Variants in PCNX1 observed in about 807,000 individuals in gnomAD.
The protein encoded by PCNX1 is pecanex 1, also known as pecanex-like protein 1.
PCNX1 carries 78 observed loss-of-function variants against 242.2 expected under a neutral mutation model. The ratio of observed to expected loss-of-function variants is 0.32; its 90% CI spans 0.27 to 0.39. The LOEUF (loss-of-function observed/expected upper bound fraction) is 0.39, where lower values mean the gene tolerates loss of function less well. Ranked by LOEUF, PCNX1 falls within the 10% of genes least tolerant of loss-of-function variation. The probability of loss-of-function intolerance (pLI) is 1.00; values close to 1 mark genes in which losing one functional copy is unlikely to be tolerated. For synonymous variants in PCNX1, 1,024 were observed against 1,032.9 expected (o/e 0.99, Z 0.17); for missense variants, 2,581 against 2,856.5 (o/e 0.90, Z 2.20).
intron 5 of PCNX1, among the ~76,000 whole-genome samples, chr14:70,976,380 T>C (rs1215311504): frequency 6.7e-6 from 1 of 149,422 alleles, no homozygotes; most frequent in East Asian, 1.9e-4. Context: ...TTCTTTTTTT[T>C]TTTTTTTTTT....
chr14:71,096,009 C>G (rs945668712), intron 30 of PCNX1, among the ~76,000 whole-genome samples: 10 of 151,888 alleles, frequency 6.6e-5, no homozygotes, highest in African/African-American at 2.2e-4. Context: ...GACCCTGTCT[C>G]TACAAAAAAT....
chr14:70,988,575 G>A lies in PCNX1; in HGVS notation c.2320G>A (p.Ala774Thr), dbSNP rs771064253. ...EQDAVSGAAQ[A>T]SEEAVSFRRE... ...AGTCTGTCTTGATGCAGCAGCACAA[G>A]CCAGCGAGGAGGCAGTGTCATTTCG... is the stretch of plus-strand genomic sequence containing the variant. Residue 774 changes from alanine (A) to threonine (T), a missense_variant, in exon 7 of 36, where the codon GCC becomes ACC. This residue lies in a region of PCNX1 where 1,204 missense variants were observed against 1,216.7 expected (regional missense o/e 0.99). Coordinates refer to ENST00000304743, the MANE Select transcript of PCNX1 (RefSeq NM_014982.3). 6.2e-7 allele frequency: 1 copy of A among 1,613,994 alleles called. No individual in the cohort carries two copies. The highest frequency in any genetic ancestry group is 1.1e-5 in the South Asian group (1 of 91,084).
chr14:70,976,820 G>A (rs1595112984), intron 5 of PCNX1, 122 bp from the exon 6 acceptor site: 1 of 816,176 alleles, frequency 1.2e-6, no homozygotes, highest in Non-Finnish European at 1.9e-6. Flanking sequence ...GCTCTTTGGA[G>A]AACTACTTGA....
rs56362741 is a variant in PCNX1 at position 70,958,898 on chromosome 14, CTTTTTTTT to C, written c.363-3309_363-3302del. Among the ~76,000 whole-genome samples the C allele has an allele frequency of 3.8e-4, 25 of 66,402 alleles. No homozygotes were observed. The East Asian group carries it at 5.2e-3, about 14-fold the overall frequency. 43.6% of individuals were successfully genotyped at this position (66,402 alleles called of 152,430 possible). On this transcript the variant is annotated intron_variant, in intron 2 of 35. Transcript: ENST00000304743. ...GGTTCACCTGAAGAATTTGGGGTTG[CTTTTTTTT>C]TTTTTTTTTTTTTTTTTTACATAAT...
At chr14:70,983,466 G>A (rs1412094005) in intron 6 of PCNX1, among the ~76,000 whole-genome samples, 6 of 152,016 alleles carry the variant, frequency 3.9e-5, no homozygotes, top group East Asian at 1.9e-4. Flanking sequence ...CACGACACCC[G>A]GTTAATTTTT....
intron 26 of PCNX1, among the ~76,000 whole-genome samples, chr14:71,059,523 A>G (rs533839398): frequency 6.6e-6 from 1 of 152,102 alleles, no homozygotes; most frequent in African/African-American, 2.4e-5. Flanking sequence ...AGTTGGGACT[A>G]CAGGTGCACA....
At chr14:70,958,898 C>CTTTTTTTT (rs56362741) in intron 2 of PCNX1, among the ~76,000 whole-genome samples, 3 of 66,402 alleles carry the variant, frequency 4.5e-5, no homozygotes, top group East Asian at 5.8e-4. Flanking sequence ...TTTGGGGTTG[C>CTTTTTTTT]TTTTTTTTTT....
rs1336166601 is a variant in PCNX1, at chr14:71,115,358, G to A, written c.*5423G>A. ...GTATTGACAGTGGATAAAACACTGA[G>A]GAAATAAATTTTTTTTCATTTTGCC... On this transcript the variant is annotated 3_prime_UTR_variant, in exon 36 of 36. Transcript: ENST00000304743. The A allele has an allele frequency of 2.6e-5, 4 of 152,580 alleles. No homozygotes were observed. Among genetic ancestry groups the A allele is most frequent in the Non-Finnish European group, 5.9e-5 (4 of 68,022 alleles). 9.5% of individuals were successfully genotyped at this position (152,580 alleles called of 1,614,324 possible).
At chr14:70,919,968 C>CA (rs1425673293) in intron 1 of PCNX1, among the ~76,000 whole-genome samples, 1 of 152,004 alleles carries the variant, frequency 6.6e-6, no homozygotes. Context: ...CCCTGAGCGC[C>CA]AACTGCCCTG....
intron 22 of PCNX1, among the ~76,000 whole-genome samples, chr14:71,049,879 A>T (rs2060973072): frequency 6.6e-6 from 1 of 152,222 alleles, no homozygotes; most frequent in South Asian, 2.1e-4. Context: ...CTGTTTCAGC[A>T]TTGAAGAACT....
Position 71,102,137 on chromosome 14 carries a change from C to T in PCNX1, c.5737C>T (p.Leu1913=), listed in dbSNP as rs2062479999. The T allele has an allele frequency of 6.2e-7, 1 of 1,614,110 alleles. No homozygotes were observed. Among genetic ancestry groups the T allele is most frequent in the East Asian group, 2.2e-5 (1 of 44,888 alleles). The change falls in exon 31 of 36, where the codon CTG becomes TTG. Residue 1913 remains leucine (L), a synonymous_variant. Transcript: ENST00000304743. ...TGCCAACTCTCCCTCCTTGCTTGCT[C>T]TGCGGCATGTCATGGATGATGGCAC... is the stretch of plus-strand genomic sequence containing the variant. ...VLANSPSLLA[L]RHVMDDGTNE...
In PCNX1 at chr14:70,978,333, C is replaced by T. The variant is rs2058741459; in HGVS notation, c.1996C>T (p.Pro666Ser). 1.9e-6 allele frequency: 3 copies of T among 1,614,162 alleles called. No homozygotes were observed. Among genetic ancestry groups the T allele is most frequent in the Non-Finnish European group, 2.5e-6 (3 of 1,180,030 alleles). ...SEHTHKAHLV[P>S]EGTSKKRATR... ...ACACACACACAAAGCTCATTTGGTT[C>T]CTGAAGGAACCAGCAAAAAGCGTGC... The change falls in exon 6 of 36, where the codon CCT becomes TCT. Residue 666 changes from proline to serine, a missense_variant. By Grantham distance (74) the Pro-to-Ser change is moderately conservative. This residue lies in a region of PCNX1 where 1,204 missense variants were observed against 1,216.7 expected (regional missense o/e 0.99). Coordinates refer to ENST00000304743, the MANE Select transcript of PCNX1 (RefSeq NM_014982.3).
In PCNX1 at chr14:71,013,097, A is replaced by T; in HGVS notation, c.2891A>T (p.Glu964Val). The change falls in exon 11 of 36, where the codon GAA becomes GTA. Residue 964 changes from glutamate (E) to valine (V), a missense_variant. This residue lies in a region of PCNX1 where 1,204 missense variants were observed against 1,216.7 expected (regional missense o/e 0.99). Coordinates refer to ENST00000304743, the MANE Select transcript of PCNX1 (RefSeq NM_014982.3). ...TTGGCAGCTACTTACGGCCCAACAG[A>T]AGAAGCTGCCCAAAAGGTTAAACAC... is the stretch of plus-strand genomic sequence containing the variant. ...PDLAATYGPT[E>V]EAAQKVKHYY... is the part of the protein sequence containing the mutation. The T allele has an allele frequency of 2.5e-6, 4 of 1,614,144 alleles. No homozygotes were observed. Among genetic ancestry groups the T allele is most frequent in the Non-Finnish European group, 3.4e-6 (4 of 1,180,006 alleles).
At position 71,113,601 on chromosome 14, in the gene PCNX1, C is replaced by T. The variant is rs969269308; in HGVS notation, c.*3666C>T. ...TGGTGGATTGCTGTTGTGAGTCATT[C>T]ATCCAGCACTGGGCCTTTTAAGCTG... On this transcript the variant is annotated 3_prime_UTR_variant, in exon 36 of 36. Coordinates refer to ENST00000304743, the MANE Select transcript of PCNX1 (RefSeq NM_014982.3). 1 of 152,628 alleles carries T rather than the reference C, an allele frequency of 6.6e-6. No individual in the cohort carries two copies. Among genetic ancestry groups the T allele is most frequent in the Non-Finnish European group, 1.5e-5 (1 of 68,028 alleles). The allele number at this position is 152,628 out of a possible 1,614,324, so 9.5% of individuals were successfully genotyped here.
At chr14:70,979,371 T>C (rs1027980825) in intron 6 of PCNX1, among the ~76,000 whole-genome samples, 12 of 152,126 alleles carry the variant, frequency 7.9e-5, no homozygotes, top group African/African-American at 2.2e-4. Context: ...TGGAGAATTG[T>C]GCAAATTTGG....
chr14:70,963,610 G>T (rs1272926227), intron 3 of PCNX1, among the ~76,000 whole-genome samples: 1 of 152,160 alleles, frequency 6.6e-6, no homozygotes, highest in East Asian at 1.9e-4. Flanking sequence ...TTTGATAGAA[G>T]ATTTGACTCT....
At chr14:71,075,252 A>G (rs2061687513) in intron 27 of PCNX1, among the ~76,000 whole-genome samples, 1 of 151,968 alleles carries the variant, frequency 6.6e-6, no homozygotes, top group African/African-American at 2.4e-5. Flanking sequence ...TGGCCTCCCA[A>G]AGTGCTGGGG....
intron 26 of PCNX1, 85 bp downstream of exon 26, chr14:71,057,809 G>A: frequency 3.3e-6 from 3 of 922,912 alleles, no homozygotes; most frequent in Non-Finnish European, 5.1e-6. Flanking sequence ...ACCAGAAGTT[G>A]TCATAGAATT....
intron 3 of PCNX1, among the ~76,000 whole-genome samples, chr14:70,966,347 C>T (rs549344328): frequency 2.6e-5 from 4 of 152,258 alleles, no homozygotes; most frequent in African/African-American, 7.2e-5. Flanking sequence ...TGTTCAGCAG[C>T]CTAACGTTAG....
Sources: allele counts gnomAD v4.1 joint callset (sites outside exome capture counted in the v4.1 genomes callset), GRCh38; gene constraint gnomAD v4.1.1; regional missense constraint gnomAD v4.1.1; transcripts MANE v1.5; gene names NCBI Gene and HGNC (gene_info 2026-07-23, HGNC 2026-07-21).